THSD7A: variants seen among roughly 807,000 people sequenced by gnomAD.
THSD7A encodes thrombospondin type-1 domain-containing protein 7A.
THSD7A carries 96 observed loss-of-function variants against 231.3 expected under a neutral mutation model. The observed-to-expected ratio is 0.41, with a 90% confidence interval of 0.35 to 0.49. THSD7A has a LOEUF of 0.49. Ranked by LOEUF, THSD7A falls within the 20% of genes least tolerant of loss-of-function variation. The probability of loss-of-function intolerance (pLI) is 0.05; values close to 1 mark genes in which losing one functional copy is unlikely to be tolerated. For synonymous variants in THSD7A, 940 were observed against 743.3 expected (o/e 1.26, Z -4.30); for missense variants, 2,290 against 2,070.2 (o/e 1.11, Z -2.06).
chr7:11,535,720 C>A (rs891158269), intron 6 of THSD7A, among the ~76,000 whole-genome samples: 2 of 152,178 alleles, frequency 1.3e-5, no homozygotes, highest in African/African-American at 4.8e-5. Context: ...GTTTTTTCTA[C>A]ATAATGGCCT....
intron 1 of THSD7A, among the ~76,000 whole-genome samples, chr7:11,739,012 G>A (rs1782014527): frequency 2.0e-5 from 3 of 151,988 alleles, no homozygotes; most frequent in Admixed American, 2.0e-4. Flanking sequence ...ACGTTTAGAG[G>A]AATCATAAAT....
chr7:11,672,225 C>T (rs1226951958), intron 1 of THSD7A, among the ~76,000 whole-genome samples: 1 of 152,100 alleles, frequency 6.6e-6, no homozygotes, highest in Non-Finnish European at 1.5e-5. Context: ...GAAGCATTAA[C>T]CTCCTTATAA....
intron 1 of THSD7A, among the ~76,000 whole-genome samples, chr7:11,801,675 A>C (rs1431886248): frequency 6.6e-6 from 1 of 152,224 alleles, no homozygotes; most frequent in East Asian, 1.9e-4. Flanking sequence ...AAAAAAAAGA[A>C]TACATTTTGT....
intron 1 of THSD7A, among the ~76,000 whole-genome samples, chr7:11,661,787 T>A (rs528278568): frequency 6.6e-6 from 1 of 151,362 alleles, no homozygotes; most frequent in African/African-American, 2.4e-5. Context: ...GAATATTGAA[T>A]GCATAAAGCA....
chr7:11,386,877 G>T (rs1056484546), intron 23 of THSD7A, among the ~76,000 whole-genome samples: 84 of 152,024 alleles, frequency 5.5e-4, no homozygotes, highest in African/African-American at 2.0e-3. Flanking sequence ...CATCTTGAGT[G>T]AATTTCTGTA....
In THSD7A at chr7:11,675,289, T is replaced by A. The variant is rs182334655; in HGVS notation, c.191-38328A>T. Among the ~76,000 whole-genome samples, 20 of 152,248 alleles carry A rather than the reference T, an allele frequency of 1.3e-4. No homozygotes were observed. The East Asian group carries it at 2.1e-3, about 16-fold the overall frequency. On this transcript the variant is annotated intron_variant, in intron 1 of 27. Coordinates refer to ENST00000423059, the MANE Select transcript of THSD7A (RefSeq NM_015204.3). ...ACAACCCACAGACCAGCGGTTTCCCTTGGATGCCTATACCACAAGGGCCCT... is the reference window on the plus strand; with the variant it reads ...ACAACCCACAGACCAGCGGTTTCCCATGGATGCCTATACCACAAGGGCCCT...
intron 1 of THSD7A, among the ~76,000 whole-genome samples, chr7:11,679,642 T>C (rs1008465804): frequency 6.6e-6 from 1 of 152,012 alleles, no homozygotes; most frequent in Admixed American, 6.6e-5. Context: ...TTACAAGGGA[T>C]GTGAAGGACC....
At chr7:11,438,082 CAT>C (rs371611417) in intron 13 of THSD7A, among the ~76,000 whole-genome samples, 5 of 151,932 alleles carry the variant, frequency 3.3e-5, no homozygotes, top group Middle Eastern at 3.4e-3. Context: ...ACAGCTGAGA[CAT>C]GTGTACTGGA....
rs149135855 is a variant in THSD7A at position 11,542,186 on chromosome 7, G to C, written c.1610-555C>G. Among the ~76,000 whole-genome samples the C allele has an allele frequency of 2.7e-3, 407 of 152,312 alleles. 3 individuals carry two copies. Among genetic ancestry groups the C allele is most frequent in the African/African-American group, 9.3e-3 (386 of 41,574 alleles). ...TAGACCCTCTGGAAATTTGAATTAGGAACATAAGCCATGTGGGCTCCAGTG... is the reference window on the plus strand; with the variant it reads ...TAGACCCTCTGGAAATTTGAATTAGCAACATAAGCCATGTGGGCTCCAGTG... On this transcript the variant is annotated intron_variant, in intron 5 of 27. Transcript: ENST00000423059.
chr7:11,556,209 G>C (rs1789836917), intron 4 of THSD7A, among the ~76,000 whole-genome samples: 1 of 151,322 alleles, frequency 6.6e-6, no homozygotes, highest in South Asian at 2.1e-4. Flanking sequence ...GTGTTTTTGA[G>C]TGCATGTCCT....
intron 6 of THSD7A, among the ~76,000 whole-genome samples, chr7:11,535,474 T>C (rs2128320730): frequency 6.6e-6 from 1 of 152,018 alleles, no homozygotes; most frequent in South Asian, 2.1e-4. Flanking sequence ...CTTTTATCTT[T>C]ACAACAAATT....
chr7:11,482,101 A>C (rs1415714480), intron 6 of THSD7A, 119 bp from the exon 7 acceptor site: 8 of 1,156,276 alleles, frequency 6.9e-6, no homozygotes, highest in East Asian at 2.6e-5. Context: ...ACTTAAAAAA[A>C]CGTAGCCAAA....
At chr7:11,821,249 G>T in intron 1 of THSD7A, 2 of 1,146,786 alleles carry the variant, frequency 1.7e-6, no homozygotes, top group South Asian at 1.2e-5. Context: ...GAGGGTCTAC[G>T]CTGAGACTGA....
intron 1 of THSD7A, among the ~76,000 whole-genome samples, chr7:11,658,594 T>C (rs1782796636): frequency 6.6e-6 from 1 of 151,706 alleles, no homozygotes; most frequent in Admixed American, 6.6e-5. Flanking sequence ...GCCCCTAAGA[T>C]TTGAAATTTA....
At position 11,411,842 on chromosome 7, in the gene THSD7A, C is replaced by T. The variant is rs1008740153; in HGVS notation, c.3683-520G>A. Among the ~76,000 whole-genome samples the T allele has an allele frequency of 5.3e-5, 8 of 151,456 alleles. No individual in the cohort carries two copies. Among genetic ancestry groups the T allele is most frequent in the Middle Eastern group, 3.2e-3 (1 of 310 alleles). ...TATTTATTCATTCTCTTATGTCTTT[C>T]GTAAGAAGACATAAAAGACACCTCT... On this transcript the variant is annotated intron_variant, in intron 18 of 27. Transcript: ENST00000423059. The surrounding 1 kb of genome is among the most constrained non-coding windows in gnomAD (Gnocchi z 4.1).
At chr7:11,452,599 G>C (rs962000113) in intron 11 of THSD7A, among the ~76,000 whole-genome samples, 1 of 152,020 alleles carries the variant, frequency 6.6e-6, no homozygotes, top group African/African-American at 2.4e-5. Context: ...TGGAGTAGCT[G>C]AGACTGAGGT....
intron 11 of THSD7A, among the ~76,000 whole-genome samples, chr7:11,449,789 C>T (rs1203045372): frequency 2.0e-5 from 3 of 151,658 alleles, no homozygotes; most frequent in Non-Finnish European, 4.4e-5. Context: ...TAGTAAGTGC[C>T]GATGGTTCAT....
intron 9 of THSD7A, among the ~76,000 whole-genome samples, chr7:11,465,666 T>C (rs11983224): frequency 0.19 from 29,086 of 151,852 alleles, 4,003 homozygotes; most frequent in African/African-American, 0.39. Context: ...AGAAGCAAAA[T>C]GTAAAGGTAG....
chr7:11,376,905 T>A (rs1433708012), intron 26 of THSD7A: 6 of 319,134 alleles, frequency 1.9e-5, no homozygotes, highest in Non-Finnish European at 3.4e-5. Context: ...ATTTCAAGTT[T>A]CTTTGGCTAA....
Sources: allele counts gnomAD v4.1 joint callset (sites outside exome capture counted in the v4.1 genomes callset), GRCh38; gene constraint gnomAD v4.1.1; non-coding constraint Gnocchi (gnomAD v3.1); transcripts MANE v1.5; gene names NCBI Gene and HGNC (gene_info 2026-07-23, HGNC 2026-07-21).